The following DYNC1I2 variants were observed in gnomAD, a reference collection of about 807,000 sequenced individuals.
DYNC1I2 encodes the protein dynein cytoplasmic 1 intermediate chain 2, also known as cytoplasmic dynein 1 intermediate chain 2.
A neutral mutation model predicts 88.6 loss-of-function variants in DYNC1I2; 53 were observed. That is an observed-to-expected ratio of 0.60 (90% CI 0.48 to 0.75). The LOEUF (loss-of-function observed/expected upper bound fraction) is 0.75, where lower values mean the gene tolerates loss of function less well. Among genes scored for constraint, DYNC1I2 ranks in the 30% least tolerant of loss-of-function variants. DYNC1I2 has a pLI of 0.00. For synonymous variants in DYNC1I2, 198 were observed against 254.6 expected, an observed-to-expected ratio of 0.78 and a Z score of 2.12; for missense variants, 458 against 766.6, an observed-to-expected ratio of 0.60 and a Z score of 4.75.
chr2:171,699,591 AGTGT>A (rs3223500), intron 3 of DYNC1I2, among the ~76,000 whole-genome samples: 31,974 of 137,600 alleles, frequency 0.23, 4,007 homozygotes, highest in Middle Eastern at 0.35. Context: ...CATCATTTGG[AGTGT>A]GTGTGTGTGT....
chr2:171,708,063 T>A lies in DYNC1I2; in HGVS notation c.335+686T>A, dbSNP rs527794018. Among the ~76,000 whole-genome samples the A allele has an allele frequency of 3.9e-3, 579 of 147,720 alleles. 3 individuals carry two copies. Among genetic ancestry groups the A allele is most frequent in the Middle Eastern group, 7.0e-3 (2 of 286 alleles). The stretch of plus-strand genomic sequence containing the variant: ...GTATTACTACTTATTCCTCTTTGTC[T>A]CTCTCACACACACACACACACACAC... On this transcript the variant is annotated intron_variant, in intron 5 of 17. Transcript: ENST00000397119.
At chr2:171,720,509 AG>A (rs555557180) in intron 7 of DYNC1I2, among the ~76,000 whole-genome samples, 129 of 152,268 alleles carry the variant, frequency 8.5e-4, no homozygotes, top group Middle Eastern at 3.4e-3. Flanking sequence ...GAGGTGGGGC[AG>A]ATCACCAGAG....
intron 3 of DYNC1I2, among the ~76,000 whole-genome samples, chr2:171,706,064 T>C (rs1037625173): frequency 1.3e-5 from 2 of 152,110 alleles, no homozygotes; most frequent in South Asian, 2.1e-4. Flanking sequence ...CTGTTTTTAC[T>C]GCAGCGTGTA....
At chr2:171,727,410 A>C (rs139360023) in intron 11 of DYNC1I2, among the ~76,000 whole-genome samples, 1 of 152,246 alleles carries the variant, frequency 6.6e-6, no homozygotes, top group Non-Finnish European at 1.5e-5. Context: ...GCCTTTTCTG[A>C]TTGCATAATT....
intron 3 of DYNC1I2, among the ~76,000 whole-genome samples, chr2:171,701,493 A>G (rs187640257): frequency 6.6e-6 from 1 of 152,218 alleles, no homozygotes; most frequent in Non-Finnish European, 1.5e-5. Context: ...CTTTATGCCA[A>G]CTTTTTTTTT....
At chr2:171,740,863 T>C (rs1689373943) in intron 15 of DYNC1I2, among the ~76,000 whole-genome samples, 1 of 152,228 alleles carries the variant, frequency 6.6e-6, no homozygotes, top group South Asian at 2.1e-4. Context: ...GTTCTTAGTA[T>C]ATTCACAGAG....
intron 11 of DYNC1I2, among the ~76,000 whole-genome samples, chr2:171,727,177 T>C (rs1348019974): frequency 1.3e-5 from 2 of 152,166 alleles, no homozygotes; most frequent in African/African-American, 4.8e-5. Context: ...TTTTCTGTTA[T>C]GGTGATTGAC....
At chr2:171,725,192 T>G (rs1016631561) in intron 7 of DYNC1I2, among the ~76,000 whole-genome samples, 3 of 152,194 alleles carry the variant, frequency 2.0e-5, no homozygotes, top group African/African-American at 7.2e-5. Context: ...AGACATTTGA[T>G]TTTCCTCATT....
chr2:171,695,999 C>T (rs1685739428), intron 3 of DYNC1I2, among the ~76,000 whole-genome samples: 1 of 152,130 alleles, frequency 6.6e-6, no homozygotes, highest in Admixed American at 6.5e-5. Context: ...TCAAGTTTTC[C>T]CTTCTGTGAA....
chr2:171,697,738 G>A (rs1187354988), intron 3 of DYNC1I2, among the ~76,000 whole-genome samples: 1 of 151,922 alleles, frequency 6.6e-6, no homozygotes, highest in African/African-American at 2.4e-5. Flanking sequence ...GGCACCTGTA[G>A]TCCTAGCTAC....
chr2:171,718,233 C>T (rs1687653484), intron 7 of DYNC1I2, among the ~76,000 whole-genome samples: 1 of 152,232 alleles, frequency 6.6e-6, no homozygotes, highest in African/African-American at 2.4e-5. Context: ...GCTGGGATTA[C>T]AGGCATGAGC....
chr2:171,690,812 G>C (rs1041578039), intron 2 of DYNC1I2, among the ~76,000 whole-genome samples: 2 of 151,782 alleles, frequency 1.3e-5, no homozygotes, highest in Non-Finnish European at 2.9e-5. Flanking sequence ...ATGTCACTAT[G>C]CTAGGCTAAT....
chr2:171,708,799 C>T (rs1574543546), intron 5 of DYNC1I2, among the ~76,000 whole-genome samples: 3 of 152,004 alleles, frequency 2.0e-5, no homozygotes, highest in African/African-American at 7.2e-5. Flanking sequence ...CTCAAACGAT[C>T]CTCCCACATC....
At chr2:171,695,774 G>A (rs569649146) in intron 3 of DYNC1I2, among the ~76,000 whole-genome samples, 1 of 152,268 alleles carries the variant, frequency 6.6e-6, no homozygotes, top group South Asian at 2.1e-4. Context: ...ATTAGGTTCT[G>A]CGTGTCACTC....
At chr2:171,737,204 G>A (rs1468305486) in intron 15 of DYNC1I2, among the ~76,000 whole-genome samples, 3 of 152,138 alleles carry the variant, frequency 2.0e-5, no homozygotes, top group Non-Finnish European at 2.9e-5. Flanking sequence ...TCTGTCATCA[G>A]ATGGCATTCT....
chr2:171,745,495 G>T (rs987628831), intron 16 of DYNC1I2, among the ~76,000 whole-genome samples: 1 of 152,148 alleles, frequency 6.6e-6, no homozygotes, highest in African/African-American at 2.4e-5. Context: ...CAAACAGCTT[G>T]ACTTCTTAAA....
chr2:171,736,394 A>G (rs555670285), intron 15 of DYNC1I2, among the ~76,000 whole-genome samples: 3 of 152,350 alleles, frequency 2.0e-5, no homozygotes, highest in East Asian at 1.9e-4. Flanking sequence ...TTAATTTACA[A>G]TGAAAAACAT....
chr2:171,713,154 T>G (rs926597464), intron 6 of DYNC1I2, among the ~76,000 whole-genome samples: 7 of 152,150 alleles, frequency 4.6e-5, no homozygotes, highest in Non-Finnish European at 1.0e-4. Context: ...TTACTTGATA[T>G]GAATATTAAT....
chr2:171,701,186 C>T (rs1024634381), intron 3 of DYNC1I2, among the ~76,000 whole-genome samples: 19 of 152,020 alleles, frequency 1.2e-4, no homozygotes, highest in African/African-American at 4.1e-4. Context: ...CATTCCCCTG[C>T]TATTTTTCTT....
Sources: allele counts gnomAD v4.1 joint callset (sites outside exome capture counted in the v4.1 genomes callset), GRCh38; gene constraint gnomAD v4.1.1; transcripts MANE v1.5; gene names NCBI Gene and HGNC (gene_info 2026-07-23, HGNC 2026-07-21).